The following NNMT variants were observed in gnomAD, a reference collection of about 807,000 sequenced individuals.
NNMT encodes nicotinamide N-methyltransferase.
A neutral mutation model predicts 11.7 loss-of-function variants in NNMT; 10 were observed. The observed-to-expected ratio is 0.85, with a 90% CI of 0.53 to 1.45. The LOEUF (loss-of-function observed/expected upper bound fraction) is 1.45. Ranked by LOEUF, NNMT falls within the 40% of genes most tolerant of loss-of-function variation. The probability of loss-of-function intolerance (pLI) is 0.00; values close to 1 mark genes in which losing one functional copy is unlikely to be tolerated. For missense variants in NNMT, 381 were observed against 319.4 expected, an observed-to-expected ratio of 1.19 and a Z score of -1.47; for synonymous variants, 143 against 133.8, an observed-to-expected ratio of 1.07 and a Z score of -0.48.
chr11:114,309,476 T>C (rs563592061), intron 2 of NNMT, among the ~76,000 whole-genome samples: 1 of 152,176 alleles, frequency 6.6e-6, no homozygotes, highest in African/African-American at 2.4e-5. Flanking sequence ...CTAGCCTTGA[T>C]AAAGGAGCAG....
chr11:114,266,232 G>T (rs972942788), intron 2 of NNMT, among the ~76,000 whole-genome samples: 1 of 151,702 alleles, frequency 6.6e-6, no homozygotes. Flanking sequence ...ACCCCACCTC[G>T]CTGTTTCCCT....
At chr11:114,311,305 G>A (rs1565729683) in intron 2 of NNMT, among the ~76,000 whole-genome samples, 1 of 152,192 alleles carries the variant, frequency 6.6e-6, no homozygotes, top group Non-Finnish European at 1.5e-5. Flanking sequence ...GCTCCATCCT[G>A]TGCAACAGAA....
At chr11:114,306,035 A>T (rs369113863) in intron 2 of NNMT, among the ~76,000 whole-genome samples, 1 of 152,128 alleles carries the variant, frequency 6.6e-6, no homozygotes, top group Admixed American at 6.6e-5. Context: ...TTTAATGATC[A>T]CCATTCTAAG....
intron 1 of NNMT, among the ~76,000 whole-genome samples, chr11:114,259,258 CAG>C (rs1484564343): frequency 6.6e-6 from 1 of 151,244 alleles, no homozygotes; most frequent in Non-Finnish European, 1.5e-5. Flanking sequence ...TTGCAGTTGT[CAG>C]GGGCACGTGA....
chr11:114,300,376 T>C (rs1945426685), intron 2 of NNMT, among the ~76,000 whole-genome samples: 1 of 152,188 alleles, frequency 6.6e-6, no homozygotes, highest in Admixed American at 6.5e-5. Context: ...CTAGCTATCT[T>C]ATTGTTATTG....
intron 2 of NNMT, among the ~76,000 whole-genome samples, chr11:114,274,065 C>T (rs1221111541): frequency 6.6e-6 from 1 of 152,174 alleles, no homozygotes; most frequent in Non-Finnish European, 1.5e-5. Context: ...TCCCCTCCTA[C>T]CCCTGCTCAG....
At chr11:114,300,243 C>G (rs1391020059) in intron 2 of NNMT, among the ~76,000 whole-genome samples, 1 of 151,934 alleles carries the variant, frequency 6.6e-6, no homozygotes, top group Non-Finnish European at 1.5e-5. Flanking sequence ...TCCCATGATT[C>G]TTGTATGTGG....
chr11:114,293,125 G>T (rs766841005), upstream of NNMT, among the ~76,000 whole-genome samples: 1 of 152,186 alleles, frequency 6.6e-6, no homozygotes, highest in Non-Finnish European at 1.5e-5. Context: ...GTCTCCTGCT[G>T]TGCTCCATTA....
At chr11:114,301,075 C>T (rs1466407976) in intron 2 of NNMT, among the ~76,000 whole-genome samples, 1 of 152,140 alleles carries the variant, frequency 6.6e-6, no homozygotes, top group African/African-American at 2.4e-5. Context: ...AGATCTAGGC[C>T]AGAATCTGGA....
At chr11:114,280,438 A>G (rs1315691386) in intron 2 of NNMT, among the ~76,000 whole-genome samples, 1 of 152,132 alleles carries the variant, frequency 6.6e-6, no homozygotes, top group Non-Finnish European at 1.5e-5. Context: ...GGTGGAGCAG[A>G]GAACACCTCT....
At chr11:114,297,405 CA>C (rs1565726277) in intron 1 of NNMT, 1 of 150,272 alleles carries the variant, frequency 6.7e-6, no homozygotes, top group Non-Finnish European at 1.5e-5. Context: ...TCAAGTGAGA[CA>C]TTTTTAGTCT....
In NNMT at chr11:114,312,254, GC is replaced by G. The variant is rs1565730071; in HGVS notation, c.573del (p.Phe192SerfsTer3). ...CTCGGCAGCCTACTGAAGCCAGGGG[GC>G]TTCCTGGTGATCATGGATGCGCTCA... ...RNLGSLLKPG[G>X]FLVIMDALKS... On this transcript the variant is annotated frameshift_variant, in exon 3 of 3. Transcript: ENST00000299964. LOFTEE classifies it low-confidence loss of function (END_TRUNC). 6.2e-6 allele frequency: 10 copies of G among 1,614,214 alleles called. No individual in the cohort carries two copies. The South Asian group carries it at 9.9e-5, about 16-fold the overall frequency.
At chr11:114,280,511 C>T (rs982595882) in intron 2 of NNMT, among the ~76,000 whole-genome samples, 5 of 152,178 alleles carry the variant, frequency 3.3e-5, no homozygotes, top group African/African-American at 9.7e-5. Flanking sequence ...GTCTGCCCGC[C>T]CTGCCCCAGA....
rs953695276 is a variant in NNMT at position 114,312,736 on chromosome 11, C to A, written c.*259C>A. 4 of 463,864 alleles carry A rather than the reference C, an allele frequency of 8.6e-6. No individual in the cohort carries two copies. The highest frequency in any genetic ancestry group is 3.2e-5 in the East Asian group (1 of 31,056). The allele number at this position is 463,864 out of a possible 1,614,324, so 28.7% of individuals were successfully genotyped here. ...CATTGCCTGTGCTTACAAAAGAAGA[C>A]CTCACTTCCCTAAACATCTAGTTAT... On this transcript the variant is annotated 3_prime_UTR_variant, in exon 3 of 3. Coordinates refer to ENST00000299964, the MANE Select transcript of NNMT (RefSeq NM_006169.3).
chr11:114,275,559 C>A (rs1945207574), intron 2 of NNMT, among the ~76,000 whole-genome samples: 3 of 152,180 alleles, frequency 2.0e-5, no homozygotes, highest in Admixed American at 6.5e-5. Flanking sequence ...ATGACTGCAT[C>A]TCCAGGACTC....
At chr11:114,291,176 A>C (rs1394765570) in intron 2 of NNMT, among the ~76,000 whole-genome samples, 9 of 152,170 alleles carry the variant, frequency 5.9e-5, no homozygotes, top group Non-Finnish European at 1.3e-4. Context: ...CCTATTTTGG[A>C]TTCTGTGTAT....
chr11:114,306,474 GGT>G (rs1945493042), intron 2 of NNMT, among the ~76,000 whole-genome samples: 1 of 152,050 alleles, frequency 6.6e-6, no homozygotes, highest in Non-Finnish European at 1.5e-5. Context: ...GGGTTTTTAT[GGT>G]TTTAGATCTA....
intron 2 of NNMT, 48 bp from the exon 3 acceptor site, chr11:114,311,997 C>T (rs374343256): frequency 8.7e-5 from 132 of 1,518,416 alleles, no homozygotes; most frequent in Non-Finnish European, 1.1e-4. Flanking sequence ...GATCTGGGTT[C>T]CCCATGACTG....
At chr11:114,289,278 T>C (rs1945319162) in intron 2 of NNMT, among the ~76,000 whole-genome samples, 1 of 152,190 alleles carries the variant, frequency 6.6e-6, no homozygotes, top group South Asian at 2.1e-4. Flanking sequence ...CCTTCTCTCT[T>C]TTTTGCCTTG....
Sources: gnomAD v4.1 joint callset for allele counts (sites outside exome capture counted in the v4.1 genomes callset) on GRCh38, gnomAD v4.1.1 for gene constraint, MANE v1.5 for transcripts, NCBI Gene and HGNC (gene_info 2026-07-23, HGNC 2026-07-21) for gene names.